The following MYO18B variants were observed in gnomAD, a reference collection of about 807,000 sequenced individuals.
MYO18B encodes the protein myosin XVIIIB.
A neutral mutation model predicts 273.0 loss-of-function variants in MYO18B; 204 were observed. The ratio of observed to expected loss-of-function variants is 0.75; its 90% confidence interval spans 0.67 to 0.84. MYO18B has a LOEUF of 0.84. MYO18B is among the 40% of genes least tolerant of loss of function. MYO18B has a pLI of 0.00. For missense variants in MYO18B, 3,212 were observed against 3,287.6 expected (o/e 0.98, Z 0.56); for synonymous variants, 1,330 against 1,305.7 (o/e 1.02, Z -0.40).
rs1555961004 is a variant in MYO18B at position 25,948,527 on chromosome 22, T to TTC, written c.5748+699_5748+700insTC. On this transcript the variant is annotated intron_variant, in intron 36 of 43. Coordinates refer to ENST00000335473, the MANE Select transcript of MYO18B (RefSeq NM_032608.7). The stretch of plus-strand genomic sequence containing the variant: ...TCTCTTTTCTCTTTCCTTCTTTCTT[T>TTC]CTTCCTTCCTTCCTTCCTTCCTTTC... 3.9e-4 allele frequency among the ~76,000 whole-genome samples: 43 copies of TTC among 110,424 alleles called. 1 individual carries two copies. Among genetic ancestry groups the TTC allele is most frequent in the Admixed American group, 2.5e-3 (27 of 10,792 alleles). 72.4% of individuals were successfully genotyped at this position (110,424 alleles called of 152,430 possible). A position where few individuals can be genotyped will look rare whatever the true frequency, so the allele number is the denominator to read the frequency against.
intron 42 of MYO18B, among the ~76,000 whole-genome samples, chr22:26,005,241 T>C (rs1406955058): frequency 6.6e-6 from 1 of 152,222 alleles, no homozygotes; most frequent in Admixed American, 6.5e-5. Flanking sequence ...CTTTTTTCCA[T>C]TTATGGGTAA....
At chr22:25,994,026 T>C (rs1932967918) in intron 40 of MYO18B, among the ~76,000 whole-genome samples, 1 of 152,206 alleles carries the variant, frequency 6.6e-6, no homozygotes, top group African/African-American at 2.4e-5. Context: ...ATGTACTCCA[T>C]ACACCTAATT....
intron 29 of MYO18B, among the ~76,000 whole-genome samples, chr22:25,902,200 C>T (rs932234353): frequency 6.6e-6 from 1 of 151,824 alleles, no homozygotes; most frequent in African/African-American, 2.4e-5. Flanking sequence ...TTATTCCTGT[C>T]CATATATTTT....
At chr22:25,941,954 T>C (rs1316701051) in intron 34 of MYO18B, among the ~76,000 whole-genome samples, 4 of 152,248 alleles carry the variant, frequency 2.6e-5, no homozygotes, top group Admixed American at 2.6e-4. Context: ...CGCTTCATTT[T>C]CTTTCTCTCT....
intron 11 of MYO18B, among the ~76,000 whole-genome samples, chr22:25,792,827 G>A (rs989591431): frequency 5.3e-5 from 8 of 152,108 alleles, no homozygotes; most frequent in Admixed American, 3.9e-4. Context: ...CTCCCGTTCC[G>A]GGAGGCAGAG....
At chr22:25,920,582 T>C (rs950817636) in intron 33 of MYO18B, among the ~76,000 whole-genome samples, 1 of 152,124 alleles carries the variant, frequency 6.6e-6, no homozygotes, top group African/African-American at 2.4e-5. Flanking sequence ...CTGGGTAAGG[T>C]TCCTCTGCAG....
At position 25,784,139 on chromosome 22, in the gene MYO18B, C is replaced by T. The variant is rs571880006; in HGVS notation, c.2313-1289C>T. ...CTGTTTTGGTGCCTGGTATGTGCTTCTGGTTCAAAAACCTGCCAGCGCAGT... is the reference window on the plus strand; with the variant it reads ...CTGTTTTGGTGCCTGGTATGTGCTTTTGGTTCAAAAACCTGCCAGCGCAGT... On this transcript the variant is annotated intron_variant, in intron 10 of 43. Coordinates refer to ENST00000335473, the MANE Select transcript of MYO18B (RefSeq NM_032608.7). Among the ~76,000 whole-genome samples the T allele has an allele frequency of 1.2e-4, 18 of 152,334 alleles. No individual in the cohort carries two copies. The South Asian group carries it at 3.7e-3, about 32-fold the overall frequency.
At chr22:25,995,667 C>T (rs1933156897) in intron 40 of MYO18B, among the ~76,000 whole-genome samples, 2 of 152,172 alleles carry the variant, frequency 1.3e-5, no homozygotes, top group Non-Finnish European at 2.9e-5. Context: ...CCAGTCTTGG[C>T]GTAGGGGAGA....
intron 11 of MYO18B, among the ~76,000 whole-genome samples, chr22:25,788,897 C>T (rs947944054): frequency 2.0e-5 from 3 of 152,172 alleles, no homozygotes; most frequent in African/African-American, 4.8e-5. Flanking sequence ...GACCTCATCT[C>T]CTTGGGCCTC....
At chr22:25,904,685 T>C (rs558530792) in intron 31 of MYO18B, among the ~76,000 whole-genome samples, 4 of 152,358 alleles carry the variant, frequency 2.6e-5, no homozygotes, top group African/African-American at 9.6e-5. Flanking sequence ...TGCTTATTTA[T>C]GTACTTACTT....
intron 39 of MYO18B, among the ~76,000 whole-genome samples, chr22:25,981,258 T>G (rs1265863882): frequency 6.6e-6 from 1 of 152,228 alleles, no homozygotes; most frequent in Non-Finnish European, 1.5e-5. Context: ...TAAACAGATG[T>G]GTTTCTCGAG....
chr22:25,770,314 G>A (rs2086671565), intron 5 of MYO18B, 138 bp downstream of exon 5: 1 of 738,714 alleles, frequency 1.4e-6, no homozygotes, highest in Non-Finnish European at 2.3e-6. Flanking sequence ...GTCTTTCAAA[G>A]GCATTTGTGT....
At chr22:26,020,962 A>ACCTGTAAT in intron 42 of MYO18B, among the ~76,000 whole-genome samples, 1 of 152,236 alleles carries the variant, frequency 6.6e-6, no homozygotes, top group African/African-American at 2.4e-5. Flanking sequence ...GGTGGTGTGC[A>ACCTGTAAT]CCTGTAATCC....
chr22:25,958,010 G>A (rs2092874442), intron 39 of MYO18B, among the ~76,000 whole-genome samples: 1 of 151,364 alleles, frequency 6.6e-6, no homozygotes, highest in Non-Finnish European at 1.5e-5. Context: ...TGCCTCCTGG[G>A]TTCAATCACT....
At chr22:25,777,809 A>G (rs2086974996) in intron 8 of MYO18B, 28 bp downstream of exon 8, 1 of 1,553,340 alleles carries the variant, frequency 6.4e-7, no homozygotes, top group Non-Finnish European at 8.7e-7. Context: ...TGACATGGAG[A>G]GTTGGGGTCA....
chr22:26,061,061 C>A, the MYO18B span, among the ~76,000 whole-genome samples: 1 of 152,146 alleles, frequency 6.6e-6, no homozygotes, highest in East Asian at 1.9e-4. Flanking sequence ...AACTGTGAAC[C>A]TTCTGTAGCC....
At chr22:25,821,534 T>C (rs2089282016) in intron 12 of MYO18B, among the ~76,000 whole-genome samples, 2 of 152,088 alleles carry the variant, frequency 1.3e-5, no homozygotes, top group Non-Finnish European at 2.9e-5. Flanking sequence ...TCCCAGCACT[T>C]TGGGAGGCTG....
At chr22:25,747,273 C>T (rs1417827558) in intron 1 of MYO18B, among the ~76,000 whole-genome samples, 1 of 152,236 alleles carries the variant, frequency 6.6e-6, no homozygotes, top group Non-Finnish European at 1.5e-5. Flanking sequence ...ATGGCAAATA[C>T]TTGGCACAGG....
intron 7 of MYO18B, among the ~76,000 whole-genome samples, chr22:25,776,758 G>A (rs1315513288): frequency 6.6e-6 from 1 of 152,144 alleles, no homozygotes; most frequent in East Asian, 1.9e-4. Flanking sequence ...CATACATTTT[G>A]ATTTCTTTAG....
Sources: allele counts gnomAD v4.1 joint callset (sites outside exome capture counted in the v4.1 genomes callset), GRCh38; gene constraint gnomAD v4.1.1; transcripts MANE v1.5; gene names NCBI Gene and HGNC (gene_info 2026-07-23, HGNC 2026-07-21).